ADAMTSL3: variants seen among roughly 807,000 people sequenced by gnomAD.
ADAMTSL3 encodes the protein ADAMTS like 3.
Under a neutral mutation model 201.7 loss-of-function variants are expected in ADAMTSL3, and 128 were observed. The ratio of observed to expected loss-of-function variants is 0.63; its 90% CI spans 0.55 to 0.73. The LOEUF (loss-of-function observed/expected upper bound fraction) is 0.73, where lower values mean the gene tolerates loss of function less well. Ranked by LOEUF, ADAMTSL3 falls within the 30% of genes least tolerant of loss-of-function variation. The pLI is 0.00. For missense variants in ADAMTSL3, 1,990 were observed against 2,119.6 expected (o/e 0.94, Z 1.20); for synonymous variants, 738 against 748.4 (o/e 0.99, Z 0.23).
intron 3 of ADAMTSL3, among the ~76,000 whole-genome samples, chr15:83,709,866 T>C (rs1445911865): frequency 6.6e-6 from 1 of 152,176 alleles, no homozygotes; most frequent in East Asian, 1.9e-4. Context: ...TCCTCCTCAC[T>C]GGCAGCCATC....
intron 3 of ADAMTSL3, among the ~76,000 whole-genome samples, chr15:83,755,379 C>A (rs2062703656): frequency 6.6e-6 from 1 of 152,144 alleles, no homozygotes; most frequent in East Asian, 1.9e-4. Context: ...TTTCCTCTTG[C>A]AAAACTGAAC....
intron 17 of ADAMTSL3, among the ~76,000 whole-genome samples, chr15:83,938,797 G>C (rs1052773753): frequency 3.3e-5 from 5 of 151,902 alleles, no homozygotes; most frequent in Non-Finnish European, 7.4e-5. Context: ...TTGATTTCTG[G>C]TCAACTGAGA....
At position 83,838,104 on chromosome 15, in the gene ADAMTSL3, C is replaced by T. The variant is rs141992553; in HGVS notation, c.616C>T (p.Arg206Trp). 44 of 1,609,656 alleles carry T rather than the reference C, an allele frequency of 2.7e-5. No homozygotes were observed. The African/African-American group carries it at 4.6e-4, about 17-fold the overall frequency. Residue 206 changes from arginine (R) to tryptophan (W), a missense_variant, in exon 7 of 30, where the codon CGG becomes TGG. Transcript: ENST00000286744. ...SGICQAVGCDRQLGSNAKEDN... is the reference protein window; with the variant it reads ...SGICQAVGCDWQLGSNAKEDN... ...CTGTTGGCAGGCAGTGGGCTGCGATCGGCAACTGGGAAGCAATGCCAAGGA... is the reference window on the plus strand; with the variant it reads ...CTGTTGGCAGGCAGTGGGCTGCGATTGGCAACTGGGAAGCAATGCCAAGGA...
rs1395361707 is a variant in ADAMTSL3 at position 84,025,398 on chromosome 15, T to G, written c.4618T>G (p.Phe1540Val). The change falls in exon 27 of 30, where the codon TTT becomes GTT. Residue 1540 changes from phenylalanine to valine, a missense_variant. Phe to Val is a conservative substitution (Grantham distance 50). Transcript: ENST00000286744. ...CCGGCCTCTGGGAAGAAAACCATGT[T>G]TTGGTCATCCATGTGTTCAGTGGGA... ...KDRPLGRKPC[F>V]GHPCVQWEPG... The G allele has an allele frequency of 6.2e-7, 1 of 1,614,062 alleles. No homozygotes were observed. The highest frequency in any genetic ancestry group is 8.5e-7 in the Non-Finnish European group (1 of 1,179,986).
chr15:83,773,822 C>T (rs868658863), intron 4 of ADAMTSL3, among the ~76,000 whole-genome samples, 172 bp downstream of exon 4: 2 of 152,150 alleles, frequency 1.3e-5, no homozygotes, highest in African/African-American at 4.8e-5. Context: ...GCCATGGTCC[C>T]GTTTTCGTGG....
chr15:83,961,882 A>G (rs1180189195), intron 19 of ADAMTSL3: 1 of 152,260 alleles, frequency 6.6e-6, no homozygotes, highest in African/African-American at 2.4e-5. Flanking sequence ...TAACATAAAT[A>G]TCAGAAATCT....
intron 7 of ADAMTSL3, among the ~76,000 whole-genome samples, chr15:83,849,240 C>T (rs2064560817): frequency 6.6e-6 from 1 of 152,186 alleles, no homozygotes; most frequent in African/African-American, 2.4e-5. Flanking sequence ...AATCCTCCTG[C>T]CTCAGCCTCT....
At chr15:83,722,266 A>G (rs758502286) in intron 3 of ADAMTSL3, among the ~76,000 whole-genome samples, 26 of 152,344 alleles carry the variant, frequency 1.7e-4, no homozygotes, top group Non-Finnish European at 2.6e-4. Flanking sequence ...GACTGTAGCT[A>G]TGTTGGACAG....
At chr15:84,037,194 C>T (rs2068527979) in intron 29 of ADAMTSL3, among the ~76,000 whole-genome samples, 1 of 152,142 alleles carries the variant, frequency 6.6e-6, no homozygotes, top group African/African-American at 2.4e-5. Context: ...AGAGAAAAGG[C>T]AGTTGGATTA....
At chr15:84,007,028 C>T (rs1465711452) in intron 23 of ADAMTSL3, among the ~76,000 whole-genome samples, 2 of 152,090 alleles carry the variant, frequency 1.3e-5, no homozygotes, top group African/African-American at 2.4e-5. Flanking sequence ...CTATATTTCC[C>T]AAAGTAGATG....
At chr15:83,874,634 A>G (rs59440174) in intron 9 of ADAMTSL3, among the ~76,000 whole-genome samples, 4,760 of 143,608 alleles carry the variant, frequency 0.033, 892 homozygotes, top group African/African-American at 0.12. Flanking sequence ...GGCATGAACA[A>G]TAAAGCCGAT....
At chr15:83,880,393 T>A (rs1332737091) in intron 9 of ADAMTSL3, among the ~76,000 whole-genome samples, 2 of 152,116 alleles carry the variant, frequency 1.3e-5, no homozygotes, top group African/African-American at 4.8e-5. Context: ...GTAAATAAAG[T>A]TTTATCAGAA....
At chr15:83,715,630 A>G (rs1283655085) in intron 3 of ADAMTSL3, among the ~76,000 whole-genome samples, 1 of 152,172 alleles carries the variant, frequency 6.6e-6, no homozygotes, top group Non-Finnish European at 1.5e-5. Context: ...GCAGCCTGGC[A>G]CACAGTAAAT....
intron 5 of ADAMTSL3, among the ~76,000 whole-genome samples, chr15:83,816,933 T>C (rs1325820935): frequency 6.6e-6 from 1 of 152,102 alleles, no homozygotes; most frequent in Non-Finnish European, 1.5e-5. Context: ...GAGGTCGAGG[T>C]TGCAGTGAGC....
intron 3 of ADAMTSL3, among the ~76,000 whole-genome samples, chr15:83,719,877 A>G (rs1158057307): frequency 1.3e-5 from 2 of 152,212 alleles, no homozygotes; most frequent in African/African-American, 4.8e-5. Context: ...TCACCAGGAC[A>G]CAATCAGTCA....
At chr15:83,969,450 AAAAC>A (rs1002942911) in intron 19 of ADAMTSL3, among the ~76,000 whole-genome samples, 11 of 152,346 alleles carry the variant, frequency 7.2e-5, no homozygotes, top group African/African-American at 1.2e-4. Context: ...TCCATCTCAA[AAAAC>A]AAACAAACAA....
At chr15:83,710,380 A>G (rs993809212) in intron 3 of ADAMTSL3, among the ~76,000 whole-genome samples, 1 of 152,056 alleles carries the variant, frequency 6.6e-6, no homozygotes, top group African/African-American at 2.4e-5. Context: ...TTGGTTTTCA[A>G]ATTCTTACTG....
intron 3 of ADAMTSL3, among the ~76,000 whole-genome samples, chr15:83,733,558 C>T (rs930622323): frequency 6.6e-6 from 1 of 152,040 alleles, no homozygotes; most frequent in African/African-American, 2.4e-5. Context: ...TTTAACTCAC[C>T]AGAGAAAGTT....
chr15:83,750,879 T>G (rs1205504994), intron 3 of ADAMTSL3, among the ~76,000 whole-genome samples: 2 of 152,240 alleles, frequency 1.3e-5, no homozygotes, highest in African/African-American at 4.8e-5. Context: ...GTTGATTCAT[T>G]GACTCAAAAC....
Sources: gnomAD v4.1 joint callset for allele counts (sites outside exome capture counted in the v4.1 genomes callset) on GRCh38, gnomAD v4.1.1 for gene constraint, MANE v1.5 for transcripts, NCBI Gene and HGNC (gene_info 2026-07-23, HGNC 2026-07-21) for gene names.